The following CYP3A4 variants were observed in gnomAD, a reference collection of about 807,000 sequenced individuals.
CYP3A4 encodes the protein cytochrome P450 family 3 subfamily A member 4, also known as cytochrome P450 3A4.
A neutral mutation model predicts 54.9 loss-of-function variants in CYP3A4; 41 were observed. The observed-to-expected ratio is 0.75, with a 90% CI of 0.58 to 0.97. The LOEUF (loss-of-function observed/expected upper bound fraction) is 0.97, where lower values mean the gene tolerates loss of function less well. Among genes scored for constraint, CYP3A4 ranks in the 50% least tolerant of loss-of-function variants. The pLI is 0.00. For missense variants in CYP3A4, 510 were observed against 597.3 expected (o/e 0.85, Z 1.52); for synonymous variants, 179 against 205.2 (o/e 0.87, Z 1.09).
chr7:99,781,546 A>C (rs1026521146), intron 1 of CYP3A4, among the ~76,000 whole-genome samples: 24 of 152,152 alleles, frequency 1.6e-4, no homozygotes, highest in African/African-American at 5.8e-4. Flanking sequence ...TGGATGTCTG[A>C]AGACCTTCCC....
intron 8 of CYP3A4, 25 bp from the exon 9 acceptor site, chr7:99,766,468 C>A: frequency 6.2e-7 from 1 of 1,613,360 alleles, no homozygotes; most frequent in Non-Finnish European, 8.5e-7. Flanking sequence ...AGAAATTTCA[C>A]TGACAGAAAG....
chr7:99,760,591 A>C (rs1427264914), intron 12 of CYP3A4, among the ~76,000 whole-genome samples: 1 of 152,244 alleles, frequency 6.6e-6, no homozygotes. Flanking sequence ...GACTGCAGAT[A>C]ATTATGCCAT....
At chr7:99,781,378 T>C (rs1815919972) in intron 1 of CYP3A4, among the ~76,000 whole-genome samples, 1 of 152,198 alleles carries the variant, frequency 6.6e-6, no homozygotes, top group Non-Finnish European at 1.5e-5. Context: ...GACATGCTAA[T>C]TTTTCTCAAG....
In CYP3A4 at chr7:99,763,922, TCATACA is replaced by T; in HGVS notation, c.953_958del (p.Met318_Glu320delinsLys). 6.2e-7 allele frequency: 1 copy of T among 1,613,996 alleles called. No individual in the cohort carries two copies. Among genetic ancestry groups the T allele is most frequent in the Non-Finnish European group, 8.5e-7 (1 of 1,179,956 alleles). On this transcript the variant is annotated inframe_deletion, in exon 10 of 13. Coordinates refer to ENST00000651514, the MANE Select transcript of CYP3A4 (RefSeq NM_017460.6). ...CTGGACATCAGGGTGAGTGGCCAGT[TCATACA>T]TAATGAAGGAGAGAACACTGCTCGT...
chr7:99,763,317 T>C (rs762252363), intron 10 of CYP3A4, among the ~76,000 whole-genome samples: 4 of 152,218 alleles, frequency 2.6e-5, no homozygotes, highest in Admixed American at 6.5e-5. Flanking sequence ...TGGTTTTTCT[T>C]TCTCATTGAA....
chr7:99,779,579 T>C (rs190704454), intron 2 of CYP3A4, among the ~76,000 whole-genome samples: 1 of 152,334 alleles, frequency 6.6e-6, no homozygotes, highest in Admixed American at 6.5e-5. Flanking sequence ...CAAGAGCTCT[T>C]GCTACAGAGA....
At position 99,758,100 on chromosome 7, in the gene CYP3A4, C is replaced by G. The variant is rs1815223809; in HGVS notation, c.*33G>C. On this transcript the variant is annotated 3_prime_UTR_variant, in exon 13 of 13. Coordinates refer to ENST00000651514, the MANE Select transcript of CYP3A4 (RefSeq NM_017460.6). The stretch of plus-strand genomic sequence containing the variant: ...CTCTGGTGTTCTCAGGCACAGATTT[C>G]TTGAAGAGCAAAGCAGAAGTCCTTA... 5.7e-6 allele frequency: 9 copies of G among 1,570,924 alleles called. No individual in the cohort carries two copies. Among genetic ancestry groups the G allele is most frequent in the Non-Finnish European group, 7.0e-6 (8 of 1,140,966 alleles).
rs1815191042 is a variant in CYP3A4, at chr7:99,756,976, C to G, written c.*1157G>C. 6.6e-6 allele frequency: 1 copy of G among 152,118 alleles called. No individual in the cohort carries two copies. The highest frequency in any genetic ancestry group is 2.4e-5 in the African/African-American group (1 of 41,418). The allele number at this position is 152,118 out of a possible 1,614,324, so 9.4% of individuals were successfully genotyped here. On this transcript the variant is annotated 3_prime_UTR_variant, in exon 13 of 13. Coordinates refer to ENST00000651514, the MANE Select transcript of CYP3A4 (RefSeq NM_017460.6). ...AGTGCTTTTAGGCTTATTGCTCAAT[C>G]AATTGACCAATCGACTGTTTTTTAT...
chr7:99,777,029 A>G (rs1423790345), intron 3 of CYP3A4, among the ~76,000 whole-genome samples: 1 of 152,204 alleles, frequency 6.6e-6, no homozygotes, highest in African/African-American at 2.4e-5. Flanking sequence ...ACACTTGCAG[A>G]TAAAATTAAA....
At chr7:99,762,630 C>G (rs1481219125) in intron 10 of CYP3A4, among the ~76,000 whole-genome samples, 1 of 151,710 alleles carries the variant, frequency 6.6e-6, no homozygotes, top group African/African-American at 2.4e-5. Context: ...TTGTTATATA[C>G]AGAAAATGTG....
chr7:99,783,995 C>T lies in CYP3A4; in HGVS notation c.71+16G>A. On this transcript the variant is annotated intron_variant, in intron 1 of 12. Coordinates refer to ENST00000651514, the MANE Select transcript of CYP3A4 (RefSeq NM_017460.6). ...GTCCAAGGAAACAGAGAAGAGGAGC[C>T]TGGACAGTTACTCACAGATAGAGGA... is the stretch of plus-strand genomic sequence containing the variant. The T allele has an allele frequency of 6.2e-7, 1 of 1,613,264 alleles. No individual in the cohort carries two copies. The highest frequency in any genetic ancestry group is 8.5e-7 in the Non-Finnish European group (1 of 1,179,328).
chr7:99,761,044 T>C (rs936935270), intron 11 of CYP3A4, 63 bp from the exon 12 acceptor site: 2 of 1,563,662 alleles, frequency 1.3e-6, no homozygotes, highest in South Asian at 1.2e-5. Context: ...AGTTACATGT[T>C]AGGGTTTCTT....
intron 6 of CYP3A4, 170 bp downstream of exon 6, chr7:99,769,598 A>T (rs1815573493): frequency 1.6e-6 from 1 of 638,522 alleles, no homozygotes; most frequent in African/African-American, 1.8e-5. Flanking sequence ...CAGCTGCCCC[A>T]CCTCCTCATC....
chr7:99,782,528 A>G (rs1275793694), intron 1 of CYP3A4, among the ~76,000 whole-genome samples: 1 of 152,126 alleles, frequency 6.6e-6, no homozygotes, highest in African/African-American at 2.4e-5. Flanking sequence ...ACCCCACAAC[A>G]TGGCAGACCA....
intron 8 of CYP3A4, chr7:99,766,697 C>T (rs903928586): frequency 1.8e-5 from 9 of 498,860 alleles, no homozygotes; most frequent in African/African-American, 1.7e-4. Context: ...AGCAGGTGGC[C>T]TGATAGGGAC....
intron 1 of CYP3A4, 110 bp downstream of exon 1, chr7:99,783,901 G>T (rs1815991368): frequency 7.7e-7 from 1 of 1,293,100 alleles, no homozygotes; most frequent in Non-Finnish European, 1.1e-6. Context: ...AAGCCACCAC[G>T]CCCGGCCTGA....
chr7:99,768,822 G>A (rs182026134), intron 6 of CYP3A4, among the ~76,000 whole-genome samples: 1 of 152,266 alleles, frequency 6.6e-6, no homozygotes, highest in African/African-American at 2.4e-5. Context: ...ATACAAGATG[G>A]GTAAGCACTG....
chr7:99,763,925 T>C lies in CYP3A4; in HGVS notation c.956A>G (p.Tyr319Cys), dbSNP rs201821708. The change falls in exon 10 of 13, where the codon TAT (tyrosine) becomes TGT (cysteine). Residue 319 changes from tyrosine to cysteine, a missense_variant. Tyr to Cys is a radical substitution (Grantham distance 194). Coordinates refer to ENST00000651514, the MANE Select transcript of CYP3A4 (RefSeq NM_017460.6). ...TTSSVLSFIMYELATHPDVQQ... is the reference protein window; with the variant it reads ...TTSSVLSFIMCELATHPDVQQ... ...GACATCAGGGTGAGTGGCCAGTTCA[T>C]ACATAATGAAGGAGAGAACACTGCT... 6.2e-7 allele frequency: 1 copy of C among 1,613,960 alleles called. No homozygotes were observed. Among genetic ancestry groups the C allele is most frequent in the East Asian group, 2.2e-5 (1 of 44,844 alleles).
At chr7:99,766,513 G>GTC in intron 8 of CYP3A4, 70 bp from the exon 9 acceptor site, 1 of 1,587,070 alleles carries the variant, frequency 6.3e-7, no homozygotes, top group Non-Finnish European at 8.6e-7. Context: ...CACAAGCGTG[G>GTC]TCCTTGATCT....
Sources: allele counts gnomAD v4.1 joint callset (sites outside exome capture counted in the v4.1 genomes callset), GRCh38; gene constraint gnomAD v4.1.1; transcripts MANE v1.5; gene names NCBI Gene and HGNC (gene_info 2026-07-23, HGNC 2026-07-21).